KIF1A: variants seen among roughly 807,000 people sequenced by gnomAD.
The protein encoded by KIF1A is kinesin-like protein KIF1A.
In KIF1A, 46 loss-of-function variants were observed where a neutral mutation model predicts 227.3. The ratio of observed to expected loss-of-function variants is 0.20; its 90% CI spans 0.16 to 0.26. The LOEUF (loss-of-function observed/expected upper bound fraction) is 0.26, where lower values mean the gene tolerates loss of function less well. KIF1A is among the 10% of genes least tolerant of loss of function. The pLI is 1.00. For synonymous variants in KIF1A, 1,022 were observed against 1,012.8 expected, an observed-to-expected ratio of 1.01 and a Z score of -0.17; for missense variants, 1,683 against 2,485.9, an observed-to-expected ratio of 0.68 and a Z score of 6.87.
At position 240,769,348 on chromosome 2, in the gene KIF1A, G is replaced by T; in HGVS notation, c.1422-140C>A. 3 of 717,490 alleles carry T rather than the reference G, an allele frequency of 4.2e-6. No homozygotes were observed. The South Asian group carries it at 5.4e-5, about 13-fold the overall frequency. 44.4% of individuals were successfully genotyped at this position (717,490 alleles called of 1,614,324 possible). ...CCATGCGTGTCCCATCTGGTCACTG[G>T]GTTAGGGCATCTGCTGATGGGACTG... On this transcript the variant is annotated intron_variant, in intron 16 of 48. Coordinates refer to ENST00000498729, the MANE Select transcript of KIF1A (RefSeq NM_001244008.2).
chr2:240,783,168 T>C, intron 8 of KIF1A, 59 bp from the exon 9 acceptor site: 5 of 1,304,536 alleles, frequency 3.8e-6, no homozygotes, highest in Non-Finnish European at 5.6e-6. Flanking sequence ...CCTCCTGCTC[T>C]GGAGGGATGC....
At chr2:240,721,060 C>G (rs565588631) in intron 44 of KIF1A, 22 bp from the exon 45 acceptor site, 1 of 1,610,440 alleles carries the variant, frequency 6.2e-7, no homozygotes, top group African/African-American at 1.3e-5. Context: ...AGGCCTTTTT[C>G]AGGGGACACA....
chr2:240,764,178 T>A (rs939335005), intron 20 of KIF1A, among the ~76,000 whole-genome samples: 1 of 152,028 alleles, frequency 6.6e-6, no homozygotes, highest in Non-Finnish European at 1.5e-5. Flanking sequence ...TGCAGGTCTG[T>A]CCCCCCTCAG....
In KIF1A at chr2:240,789,501, G is replaced by T. The variant is rs1257200703; in HGVS notation, c.107-189C>A. Among the ~76,000 whole-genome samples, 2 of 152,170 alleles carry T rather than the reference G, an allele frequency of 1.3e-5. No individual in the cohort carries two copies. Among genetic ancestry groups the T allele is most frequent in the Non-Finnish European group, 2.9e-5 (2 of 68,026 alleles). On this transcript the variant is annotated intron_variant, in intron 2 of 48. Transcript: ENST00000498729. The surrounding 1 kb of genome is among the most constrained non-coding windows in gnomAD (Gnocchi z 4.8). ...CTGTCTCTGCCCCCTCCTTATGGTG[G>T]ACGCTGCCACCCATGGATGTCCAAG...
intron 10 of KIF1A, chr2:240,781,894 C>T (rs1243594877): frequency 4.1e-6 from 4 of 985,294 alleles, no homozygotes; most frequent in Admixed American, 1.2e-4. Context: ...TCTCTTGGAA[C>T]TCCTCACACG....
At chr2:240,795,936 A>T (rs748304091) in intron 2 of KIF1A, among the ~76,000 whole-genome samples, 6 of 152,096 alleles carry the variant, frequency 3.9e-5, no homozygotes, top group Middle Eastern at 3.2e-3. Context: ...GGTTCTTGTC[A>T]CTGTGCCAAC....
rs1285134692 is a variant in KIF1A at position 240,797,785 on chromosome 2, AGT to A, written c.-35_-34del. On this transcript the variant is annotated 5_prime_UTR_variant, in exon 2 of 49. Transcript: ENST00000498729. ...GCCTTCGTGGGTCACTCCTCGCAGTAGTGGGAGCCCCAGTGTGGGGGGAACAC... is the reference window on the plus strand; with the variant it reads ...GCCTTCGTGGGTCACTCCTCGCAGTAGGGAGCCCCAGTGTGGGGGGAACAC... 2.1e-6 allele frequency: 3 copies of A among 1,402,668 alleles called. No homozygotes were observed. The highest frequency in any genetic ancestry group is 3.0e-6 in the Non-Finnish European group (3 of 999,736). The allele number at this position is 1,402,668 out of a possible 1,614,324, so 86.9% of individuals were successfully genotyped here. A position where few individuals can be genotyped will look rare whatever the true frequency, so the allele number is the denominator to read the frequency against.
At chr2:240,750,098 C>T (rs2049039875) in intron 28 of KIF1A, among the ~76,000 whole-genome samples, 1 of 152,240 alleles carries the variant, frequency 6.6e-6, no homozygotes, top group African/African-American at 2.4e-5. Context: ...AACCCCCAAC[C>T]AGAGCAGGCT....
chr2:240,750,145 G>T (rs991043538), intron 28 of KIF1A, among the ~76,000 whole-genome samples: 1 of 152,236 alleles, frequency 6.6e-6, no homozygotes, highest in Non-Finnish European at 1.5e-5. Flanking sequence ...AGCCCCCAAG[G>T]CACCTCCAGC....
At chr2:240,762,939 G>A in intron 22 of KIF1A, 80 bp downstream of exon 22, 4 of 1,365,216 alleles carry the variant, frequency 2.9e-6, no homozygotes, top group Non-Finnish European at 4.0e-6. Flanking sequence ...GGCAAGCAGG[G>A]AGGAGTGGGG....
rs1246106005 is a variant in KIF1A, at chr2:240,771,017, C to A, written c.1295G>T (p.Arg432Leu). Residue 432 changes from arginine (R) to leucine (L), a missense_variant, in exon 15 of 49, where the codon CGC becomes CTC. Physicochemically the swap from Arg to Leu is moderately radical, Grantham distance 102. This residue lies in a region of KIF1A where 110 missense variants were observed against 133.1 expected (regional missense o/e 0.83). Coordinates refer to ENST00000498729, the MANE Select transcript of KIF1A (RefSeq NM_001244008.2). ...CTCGCTGCCCGGGGCAAACAAGATG[C>A]GCTCGTGGAGGCTGGACACGGAGGC... ...RAASVSSLHE[R>L]ILFAPGSEEA... is the part of the protein sequence containing the mutation. 1 of 1,612,818 alleles carries A rather than the reference C, an allele frequency of 6.2e-7. No individual in the cohort carries two copies. Among genetic ancestry groups the A allele is most frequent in the African/African-American group, 1.3e-5 (1 of 74,886 alleles).
In KIF1A at chr2:240,730,575, G is replaced by A. The variant is rs150776287; in HGVS notation, c.4008-3635C>T. On this transcript the variant is annotated intron_variant, in intron 38 of 48. Transcript: ENST00000498729. ...GTGGAGGCCCAGGTTCTCCAGGGAGGCGATCTAACAGGCTGAGGCCACAGA... is the reference window on the plus strand; with the variant it reads ...GTGGAGGCCCAGGTTCTCCAGGGAGACGATCTAACAGGCTGAGGCCACAGA... Among the ~76,000 whole-genome samples the A allele has an allele frequency of 6.9e-3, 1,045 of 152,308 alleles. 16 individuals carry two copies. The highest frequency in any genetic ancestry group is 0.025 in the African/African-American group (1,024 of 41,550).
intron 40 of KIF1A, chr2:240,724,855 G>C (rs1406178753): frequency 5.9e-6 from 1 of 169,776 alleles, no homozygotes; most frequent in African/African-American, 2.6e-5. Flanking sequence ...CACTTATCCA[G>C]CTCCTCCTTC....
Position 240,757,791 on chromosome 2 carries a change from AGGAAGGTTCC to A in KIF1A, c.2583-207_2583-198del, listed in dbSNP as rs908003440. Among the ~76,000 whole-genome samples the A allele has an allele frequency of 1.4e-4, 21 of 152,124 alleles. No homozygotes were observed. The highest frequency in any genetic ancestry group is 2.2e-4 in the African/African-American group (9 of 41,432). ...GAAAGAAATCACATGTATGGCCAGC[AGGAAGGTTCC>A]GGAAGGTTCCGGAGGACACCTGCAG... is the stretch of plus-strand genomic sequence containing the variant. On this transcript the variant is annotated intron_variant, in intron 26 of 48. Coordinates refer to ENST00000498729, the MANE Select transcript of KIF1A (RefSeq NM_001244008.2). This position sits in a 1 kb window ranked among gnomAD's most constrained non-coding sequence, Gnocchi z 6.2.
chr2:240,799,483 G>A (rs949044912), intron 1 of KIF1A, among the ~76,000 whole-genome samples: 5 of 152,154 alleles, frequency 3.3e-5, no homozygotes, highest in East Asian at 3.9e-4. Flanking sequence ...GACTCGTGCC[G>A]CCTACACCAC....
intron 44 of KIF1A, among the ~76,000 whole-genome samples, chr2:240,721,486 T>G (rs2045376406): frequency 6.6e-6 from 1 of 152,064 alleles, no homozygotes; most frequent in African/African-American, 2.4e-5. Flanking sequence ...AGTGGGAGCT[T>G]GACTGACTGG....
rs760325615 is a variant in KIF1A, at chr2:240,750,453, G to A, written c.2953C>T (p.Arg985Cys). The A allele has an allele frequency of 1.1e-5, 17 of 1,613,582 alleles. 1 individual carries two copies. The highest frequency in any genetic ancestry group is 5.5e-5 in the South Asian group (5 of 91,080). The change falls in exon 28 of 49, where the codon CGC (arginine) becomes TGC (cysteine). Residue 985 changes from arginine to cysteine, a missense_variant. This residue lies in a region of KIF1A where 759 missense variants were observed against 1,020.2 expected (regional missense o/e 0.74). Coordinates refer to ENST00000498729, the MANE Select transcript of KIF1A (RefSeq NM_001244008.2). ...SEKGEVKGFL[R>C]VAVQAISADE... ...CCTGAGATGGCCTGGACGGCCACGC[G>A]GAGGAAGCCCTTCACCTCGCCCTTC...
At chr2:240,742,298 C>A (rs908166102) in intron 34 of KIF1A, among the ~76,000 whole-genome samples, 1 of 152,130 alleles carries the variant, frequency 6.6e-6, no homozygotes. Context: ...TGCTGGTGCC[C>A]GGGACCACAC....
At chr2:240,767,444 C>G (rs1031225933) in intron 17 of KIF1A, 99 bp from the exon 18 acceptor site, 2 of 989,422 alleles carry the variant, frequency 2.0e-6, no homozygotes, top group Non-Finnish European at 3.1e-6. Flanking sequence ...AGACTACCAC[C>G]AGGGTCCCTG....
Sources: gnomAD v4.1 joint callset for allele counts (sites outside exome capture counted in the v4.1 genomes callset) on GRCh38, gnomAD v4.1.1 for gene constraint, gnomAD v4.1.1 regional missense constraint, Gnocchi (gnomAD v3.1) non-coding constraint, MANE v1.5 for transcripts, NCBI Gene and HGNC (gene_info 2026-07-23, HGNC 2026-07-21) for gene names.